Variants in PCDHGA2 observed in about 807,000 individuals in gnomAD.
PCDHGA2 encodes the protein protocadherin gamma subfamily A, 2, also known as protocadherin gamma-A2.
In PCDHGA2, 40 loss-of-function variants were observed where a neutral mutation model predicts 59.2. The observed-to-expected ratio is 0.68, with a 90% confidence interval of 0.52 to 0.88. PCDHGA2 has a LOEUF of 0.88. Among genes scored for constraint, PCDHGA2 ranks in the 40% least tolerant of loss-of-function variants. The pLI, the probability that PCDHGA2 is intolerant of heterozygous loss-of-function variation, is 0.00. For synonymous variants in PCDHGA2, 560 were observed against 526.0 expected (o/e 1.06, Z -0.89); for missense variants, 1,226 against 1,204.0 (o/e 1.02, Z -0.27).
intron 1 of PCDHGA2, chr5:141,370,596 G>C: frequency 6.2e-7 from 1 of 1,613,936 alleles, no homozygotes; most frequent in Non-Finnish European, 8.5e-7. Flanking sequence ...GAACCTGCGG[G>C]TTATTGCAGA....
chr5:141,374,975 A>G (rs770625909), intron 1 of PCDHGA2: 2 of 1,613,964 alleles, frequency 1.2e-6, no homozygotes, highest in Non-Finnish European at 8.5e-7. Context: ...GAATGTTTTG[A>G]CTGGAGAAAT....
At chr5:141,502,288 G>C (rs2099813700) in intron 2 of PCDHGA2, among the ~76,000 whole-genome samples, 1 of 151,338 alleles carries the variant, frequency 6.6e-6, no homozygotes, top group African/African-American at 2.5e-5. Flanking sequence ...ATTGCATTTG[G>C]TTGTCACGTC....
rs767983504 is a variant in PCDHGA2, at chr5:141,393,225, C to T, written c.2424+51830C>T. On this transcript the variant is annotated intron_variant, in intron 1 of 3. Coordinates refer to ENST00000394576, the MANE Select transcript of PCDHGA2 (RefSeq NM_018915.4). ...TAACCCAAAATTCCAGGTCGAAGATCTAGAAGTAAAAATTAACGAAATCGC... is the reference window on the plus strand; with the variant it reads ...TAACCCAAAATTCCAGGTCGAAGATTTAGAAGTAAAAATTAACGAAATCGC... 7 of 1,613,552 alleles carry T rather than the reference C, an allele frequency of 4.3e-6. No individual in the cohort carries two copies. The South Asian group carries it at 5.5e-5, about 13-fold the overall frequency.
At position 141,339,581 on chromosome 5, in the gene PCDHGA2, G is replaced by A. The variant is rs534089903; in HGVS notation, c.610G>A (p.Glu204Lys). The A allele has an allele frequency of 7.4e-6, 12 of 1,614,082 alleles. No individual in the cohort carries two copies. The highest frequency in any genetic ancestry group is 1.0e-5 in the Non-Finnish European group (12 of 1,180,046). The change falls in exon 1 of 4, where the codon GAA becomes AAA. Residue 204 changes from glutamate (E) to lysine (K), a missense_variant. Glu to Lys is a moderately conservative substitution (Grantham distance 56). Coordinates refer to ENST00000394576, the MANE Select transcript of PCDHGA2 (RefSeq NM_018915.4). ...LVLERSLDRE[E>K]EAVHHLVLVA... ...GCTGGAGCGCTCTCTGGACCGCGAG[G>A]AAGAGGCTGTTCACCACCTCGTTCT...
chr5:141,414,828 G>T (rs780047810), intron 1 of PCDHGA2: 1 of 1,614,210 alleles, frequency 6.2e-7, no homozygotes, highest in East Asian at 2.2e-5. Context: ...GCAACGTGTC[G>T]TTGAGCCTGT....
At chr5:141,393,980 T>C (rs745601350) in intron 1 of PCDHGA2, 132 of 1,613,686 alleles carry the variant, frequency 8.2e-5, no homozygotes, top group Admixed American at 6.7e-5. Context: ...CACGTGATAA[T>C]TTACCTTTTA....
In PCDHGA2 at chr5:141,432,635, G is replaced by T. The variant is rs754354737; in HGVS notation, c.2425-62172G>T. 8.7e-6 allele frequency: 14 copies of T among 1,613,004 alleles called. No individual in the cohort carries two copies. The South Asian group carries it at 1.4e-4, about 16-fold the overall frequency. On this transcript the variant is annotated intron_variant, in intron 1 of 3. Transcript: ENST00000394576. This position sits in a 1 kb window ranked among gnomAD's most constrained non-coding sequence, Gnocchi z 6.0. ...CTCGGTGGGTCTGCACACGGGCGAGGTGCGCACGGCGCGAGCCCTGCTGGA... is the reference window on the plus strand; with the variant it reads ...CTCGGTGGGTCTGCACACGGGCGAGTTGCGCACGGCGCGAGCCCTGCTGGA...
intron 2 of PCDHGA2, among the ~76,000 whole-genome samples, chr5:141,500,184 TTTTATTTA>T (rs58019021): frequency 0.099 from 13,469 of 135,812 alleles, 757 homozygotes; most frequent in African/African-American, 0.15. Context: ...TCATTTTTAT[TTTTATTTA>T]TTTATTTATT....
intron 1 of PCDHGA2, among the ~76,000 whole-genome samples, chr5:141,472,497 G>A (rs1196427013): frequency 1.3e-5 from 2 of 151,958 alleles, no homozygotes; most frequent in Non-Finnish European, 2.9e-5. Context: ...ACGAGATCGT[G>A]CCACTGCACT....
chr5:141,476,754 T>G lies in PCDHGA2; in HGVS notation c.2425-18053T>G. 1 of 1,613,926 alleles carries G rather than the reference T, an allele frequency of 6.2e-7. No individual in the cohort carries two copies. The highest frequency in any genetic ancestry group is 1.1e-5 in the South Asian group (1 of 91,084). On this transcript the variant is annotated intron_variant, in intron 1 of 3. Coordinates refer to ENST00000394576, the MANE Select transcript of PCDHGA2 (RefSeq NM_018915.4). The surrounding 1 kb of genome is among the most constrained non-coding windows in gnomAD (Gnocchi z 7.6). Reference sequence around the variant, plus strand: ...GAACGGGAGCCTAGTCTCCAGTTAGTGCTGACGGCGTTGGACGGAGGGACC... The same window carrying G: ...GAACGGGAGCCTAGTCTCCAGTTAGGGCTGACGGCGTTGGACGGAGGGACC...
At chr5:141,405,256 G>GATGTGATGCTCT (rs1316160577) in intron 1 of PCDHGA2, 2 of 1,614,050 alleles carry the variant, frequency 1.2e-6, no homozygotes, top group Non-Finnish European at 1.7e-6. Flanking sequence ...AGAGTCACCT[G>GATGTGATGCTCT]ATCTTCCCCC....
In PCDHGA2 at chr5:141,361,888, G is replaced by A. The variant is rs201231976; in HGVS notation, c.2424+20493G>A. 488 of 1,610,218 alleles carry A rather than the reference G, an allele frequency of 3.0e-4. 1 individual carries two copies. The African/African-American group carries it at 5.4e-3, about 18-fold the overall frequency. On this transcript the variant is annotated intron_variant, in intron 1 of 3. Coordinates refer to ENST00000394576, the MANE Select transcript of PCDHGA2 (RefSeq NM_018915.4). ...TATGGTGCCACGCGCCGCAGAGCCC[G>A]GCTACCTGGTGACCAAGGTGGTGGC...
rs974732178 is a variant in PCDHGA2 at position 141,374,708 on chromosome 5, C to A, written c.2424+33313C>A. On this transcript the variant is annotated intron_variant, in intron 1 of 3. Coordinates refer to ENST00000394576, the MANE Select transcript of PCDHGA2 (RefSeq NM_018915.4). ...GGACCGGGAAGGAGAAGCCGTTTACCGCCTGGTCCTTACTGCCATGGATGG... is the reference window on the plus strand; with the variant it reads ...GGACCGGGAAGGAGAAGCCGTTTACAGCCTGGTCCTTACTGCCATGGATGG... 1.8e-5 allele frequency: 29 copies of A among 1,609,028 alleles called. No individual in the cohort carries two copies. In the Admixed American group the frequency reaches 3.1e-4, roughly 17 times the overall value.
chr5:141,362,023 C>G (rs773499284), intron 1 of PCDHGA2: 2 of 1,607,808 alleles, frequency 1.2e-6, no homozygotes. Context: ...GCGCACAGCG[C>G]GTGCCTTGGG....
intron 1 of PCDHGA2, among the ~76,000 whole-genome samples, chr5:141,460,536 G>A (rs911670681): frequency 2.0e-5 from 3 of 152,092 alleles, no homozygotes; most frequent in African/African-American, 7.2e-5. Flanking sequence ...AATAATCTTA[G>A]CACCTTAATC....
intron 1 of PCDHGA2, among the ~76,000 whole-genome samples, chr5:141,475,285 A>G (rs2099361212): frequency 6.6e-6 from 1 of 152,244 alleles, no homozygotes; most frequent in Non-Finnish European, 1.5e-5. Context: ...AAGACAGGGT[A>G]GGGAAATTTC....
At chr5:141,474,133 C>T (rs35162249) in intron 1 of PCDHGA2, among the ~76,000 whole-genome samples, 9,247 of 152,260 alleles carry the variant, frequency 0.061, 334 homozygotes, top group South Asian at 0.12. Flanking sequence ...CAGAAAACTA[C>T]AGGCCTTATT....
intron 1 of PCDHGA2, chr5:141,378,704 G>A (rs1775100637): frequency 6.6e-6 from 1 of 152,054 alleles, no homozygotes. Flanking sequence ...AGACAATAAG[G>A]CTTTCATCAT....
intron 1 of PCDHGA2, chr5:141,374,363 G>A: frequency 6.2e-7 from 1 of 1,614,034 alleles, no homozygotes; most frequent in Non-Finnish European, 8.5e-7. Context: ...AGACCGCGAG[G>A]AGCTCTGTGC....
Sources: allele counts gnomAD v4.1 joint callset (sites outside exome capture counted in the v4.1 genomes callset), GRCh38; gene constraint gnomAD v4.1.1; non-coding constraint Gnocchi (gnomAD v3.1); transcripts MANE v1.5; gene names NCBI Gene and HGNC (gene_info 2026-07-23, HGNC 2026-07-21).